The following AGO3 variants were observed in gnomAD, a reference collection of about 807,000 sequenced individuals.
AGO3 encodes the protein argonaute RISC catalytic component 3, also known as protein argonaute-3.
AGO3 carries 16 observed loss-of-function variants against 105.5 expected under a neutral mutation model. That is an observed-to-expected ratio of 0.15 (90% CI 0.10 to 0.23). The LOEUF is 0.23. Among genes scored for constraint, AGO3 ranks in the 10% least tolerant of loss-of-function variants. AGO3 has a pLI of 1.00. For missense variants in AGO3, 534 were observed against 1,088.0 expected, an observed-to-expected ratio of 0.49 and a Z score of 7.16; for synonymous variants, 340 against 367.3, an observed-to-expected ratio of 0.93 and a Z score of 0.85.
intron 5 of AGO3, among the ~76,000 whole-genome samples, chr1:35,993,267 TAAG>T (rs145526782): frequency 0.088 from 13,273 of 151,670 alleles, 1,978 homozygotes; most frequent in East Asian, 0.67. Context: ...AAGCAGAAAG[TAAG>T]AAATAATAAA....
At chr1:35,974,397 G>A (rs1451367668) in intron 5 of AGO3, among the ~76,000 whole-genome samples, 4 of 151,742 alleles carry the variant, frequency 2.6e-5, no homozygotes, top group African/African-American at 9.7e-5. Flanking sequence ...ACAAAAACTG[G>A]GTCACTTGTT....
chr1:35,983,561 G>GC (rs961020470), intron 5 of AGO3, among the ~76,000 whole-genome samples: 2 of 152,118 alleles, frequency 1.3e-5, no homozygotes, highest in South Asian at 2.1e-4. Flanking sequence ...CTGCATTCCA[G>GC]CAGTGACAAA....
chr1:35,963,119 A>G (rs1002299418), intron 2 of AGO3, among the ~76,000 whole-genome samples: 32 of 152,206 alleles, frequency 2.1e-4, no homozygotes, highest in African/African-American at 7.2e-4. Flanking sequence ...ATTTTGACCT[A>G]ACAGTCTGTT....
chr1:35,977,507 T>A (rs1015780091), intron 5 of AGO3, among the ~76,000 whole-genome samples: 3 of 150,000 alleles, frequency 2.0e-5, no homozygotes, highest in Non-Finnish European at 3.0e-5. Context: ...ATCTTCCCAC[T>A]ACAGCCTCCT....
intron 11 of AGO3, among the ~76,000 whole-genome samples, chr1:36,019,699 T>C (rs898242948): frequency 6.6e-6 from 1 of 152,214 alleles, no homozygotes; most frequent in Non-Finnish European, 1.5e-5. Flanking sequence ...TGACAAACTA[T>C]ACATTGGTCA....
rs1392480813 is a variant in AGO3 at position 36,064,350 on chromosome 1, A to C, written c.*8605A>C. On this transcript the variant is annotated 3_prime_UTR_variant, in exon 19 of 19. Transcript: ENST00000373191. ...AGCCAAGATCGCGCCATTGCACTCC[A>C]GCCTGGGCAACAAGAGTGAAACTCC... The C allele has an allele frequency of 6.6e-6, 1 of 152,560 alleles. No homozygotes were observed. Among genetic ancestry groups the C allele is most frequent in the Non-Finnish European group, 1.5e-5 (1 of 68,276 alleles). The allele number at this position is 152,560 out of a possible 1,614,324, so 9.5% of individuals were successfully genotyped here. A position where few individuals can be genotyped will look rare whatever the true frequency, so the allele number is the denominator to read the frequency against.
intron 17 of AGO3, among the ~76,000 whole-genome samples, chr1:36,051,651 G>A (rs1386834162): frequency 1.3e-5 from 2 of 151,926 alleles, no homozygotes; most frequent in Non-Finnish European, 2.9e-5. Flanking sequence ...GCCCAGAAGG[G>A]CAAGGCTGCA....
chr1:35,971,120 TATTATAA>T (rs1264119766), intron 3 of AGO3, among the ~76,000 whole-genome samples: 2 of 146,838 alleles, frequency 1.4e-5, no homozygotes, highest in African/African-American at 2.5e-5. Flanking sequence ...TATAAATTTA[TATTATAA>T]ATTATAAATT....
rs557069161 is a variant in AGO3, at chr1:36,022,701, G to T, written c.1407-4413G>T. 3.3e-5 allele frequency among the ~76,000 whole-genome samples: 5 copies of T among 152,140 alleles called. No individual in the cohort carries two copies. The East Asian group carries it at 9.7e-4, about 30-fold the overall frequency. On this transcript the variant is annotated intron_variant, in intron 11 of 18. Coordinates refer to ENST00000373191, the MANE Select transcript of AGO3 (RefSeq NM_024852.4). ...AATCCCAGCACTTTGGGAGGCCGAG[G>T]CGGGTGGATTACCTGAGGTCAGGAG...
At chr1:35,949,245 A>G (rs1295728871) in intron 2 of AGO3, among the ~76,000 whole-genome samples, 1 of 152,150 alleles carries the variant, frequency 6.6e-6, no homozygotes, top group Non-Finnish European at 1.5e-5. Flanking sequence ...ACCCGGCCCA[A>G]GTTTTTATAG....
chr1:36,001,351 T>C (rs954095470), intron 5 of AGO3, among the ~76,000 whole-genome samples: 3 of 152,134 alleles, frequency 2.0e-5, no homozygotes, highest in Non-Finnish European at 4.4e-5. Context: ...GAACATTCAT[T>C]GGAATATTGT....
At chr1:35,959,924 A>C (rs954657155) in intron 2 of AGO3, among the ~76,000 whole-genome samples, 1 of 151,994 alleles carries the variant, frequency 6.6e-6, no homozygotes, top group Non-Finnish European at 1.5e-5. Context: ...TTAATCTTCA[A>C]ATTATTTTCA....
intron 5 of AGO3, among the ~76,000 whole-genome samples, chr1:35,978,411 C>T (rs1286644138): frequency 1.3e-5 from 2 of 152,116 alleles, no homozygotes; most frequent in Non-Finnish European, 2.9e-5. Context: ...AGGCTGGTCT[C>T]GAACTCCTGA....
intron 5 of AGO3, among the ~76,000 whole-genome samples, chr1:35,981,875 C>T (rs905935288): frequency 1.8e-4 from 27 of 152,238 alleles, no homozygotes; most frequent in Middle Eastern, 3.4e-3. Context: ...CCACCAGATT[C>T]CTTTATACTT....
At chr1:35,996,055 GC>G (rs1639782336) in intron 5 of AGO3, among the ~76,000 whole-genome samples, 1 of 152,066 alleles carries the variant, frequency 6.6e-6, no homozygotes, top group Non-Finnish European at 1.5e-5. Flanking sequence ...AAATGACAAG[GC>G]AGCCAGGCGC....
intron 1 of AGO3, among the ~76,000 whole-genome samples, chr1:35,933,640 C>CA (rs34254758): frequency 0.13 from 4,063 of 31,324 alleles, 829 homozygotes; most frequent in Non-Finnish European, 0.21. Context: ...GACCCTGTCT[C>CA]AAAAAAAAAA....
chr1:36,034,459 C>A, intron 13 of AGO3, 126 bp downstream of exon 13: 1 of 617,590 alleles, frequency 1.6e-6, no homozygotes, highest in Non-Finnish European at 2.3e-6. Flanking sequence ...ATGGGAGATT[C>A]GTAGACATTT....
chr1:35,983,293 C>G (rs1647089702), intron 5 of AGO3: 1 of 151,736 alleles, frequency 6.6e-6, no homozygotes, highest in African/African-American at 2.4e-5. Flanking sequence ...AAAACAACAC[C>G]TGCCATGATG....
At chr1:36,005,006 C>A (rs1640273270) in intron 6 of AGO3, among the ~76,000 whole-genome samples, 1 of 152,030 alleles carries the variant, frequency 6.6e-6, no homozygotes, top group East Asian at 1.9e-4. Flanking sequence ...TACTTAGTAA[C>A]TAAAATTTGT....
Sources: allele counts gnomAD v4.1 joint callset (sites outside exome capture counted in the v4.1 genomes callset), GRCh38; gene constraint gnomAD v4.1.1; transcripts MANE v1.5; gene names NCBI Gene and HGNC (gene_info 2026-07-23, HGNC 2026-07-21).